IQSEC1: variants seen among roughly 807,000 people sequenced by gnomAD.
The protein encoded by IQSEC1 is IQ motif and SEC7 domain-containing protein 1.
IQSEC1 carries 31 observed loss-of-function variants against 91.0 expected under a neutral mutation model. The observed-to-expected ratio is 0.34, with a 90% CI of 0.26 to 0.46. The LOEUF (loss-of-function observed/expected upper bound fraction) is 0.46, where lower values mean the gene tolerates loss of function less well. IQSEC1 is among the 20% of genes least tolerant of loss of function. The pLI is 1.00. For missense variants in IQSEC1, 1,388 were observed against 1,575.6 expected, an observed-to-expected ratio of 0.88 and a Z score of 2.02; for synonymous variants, 699 against 662.6, an observed-to-expected ratio of 1.05 and a Z score of -0.84.
chr3:13,210,391 G>A (rs1694422625), intron 1 of IQSEC1, among the ~76,000 whole-genome samples: 1 of 152,112 alleles, frequency 6.6e-6, no homozygotes, highest in South Asian at 2.1e-4. Flanking sequence ...GCAGCTGGCA[G>A]GGGTTGCACC....
chr3:13,056,619 G>T (rs1704891460), intron 1 of IQSEC1, among the ~76,000 whole-genome samples: 1 of 151,858 alleles, frequency 6.6e-6, no homozygotes, highest in Non-Finnish European at 1.5e-5. Context: ...TGTGGGCTCT[G>T]TCCCCTGCTC....
At chr3:13,161,369 A>T (rs754920855) in intron 2 of IQSEC1, among the ~76,000 whole-genome samples, 1 of 152,190 alleles carries the variant, frequency 6.6e-6, no homozygotes, top group Non-Finnish European at 1.5e-5. Context: ...TGGAGAGGGT[A>T]GAAGCGCTCA....
Position 12,935,988 on chromosome 3 carries a change from G to T in IQSEC1, c.1028C>A (p.Thr343Lys), listed in dbSNP as rs765723607. ...AHKEDKADTD[T>K]SCRSTPSLER... ...CAGCGACGGCGTGCTCCGGCAGCTC[G>T]TGTCCGTGTCAGCCTTGTCCTCTTT... The change falls in exon 3 of 14, where the codon ACG becomes AAG. Residue 343 changes from threonine to lysine, a missense_variant. Physicochemically the swap from Thr to Lys is moderately conservative, Grantham distance 78. Transcript: ENST00000613206. This position sits in a 1 kb window ranked among gnomAD's most constrained non-coding sequence, Gnocchi z 8.0. The T allele has an allele frequency of 2.5e-6, 4 of 1,599,640 alleles. No homozygotes were observed. Among genetic ancestry groups the T allele is most frequent in the African/African-American group, 1.3e-5 (1 of 74,928 alleles).
In IQSEC1 at chr3:12,924,720, A is replaced by C; in HGVS notation, c.1591T>G (p.Tyr531Asp). Residue 531 changes from tyrosine to aspartate, a missense_variant, in exon 4 of 14, where the codon TAC becomes GAC. Tyr to Asp is a radical substitution (Grantham distance 160). Transcript: ENST00000613206. This position sits in a 1 kb window ranked among gnomAD's most constrained non-coding sequence, Gnocchi z 6.3. ...GGCACAAAGCCACGCTCGATGAGGT[A>C]CTGGACTCCCTTCTCAGGCTTCCTG... ...FNKKPEKGVQYLIERGFVPDT... is the reference protein window; with the variant it reads ...FNKKPEKGVQDLIERGFVPDT... The C allele has an allele frequency of 6.3e-7, 1 of 1,593,116 alleles. No individual in the cohort carries two copies. Among genetic ancestry groups the C allele is most frequent in the Non-Finnish European group, 8.6e-7 (1 of 1,167,042 alleles).
chr3:13,275,081 A>G (rs765925269), intron 1 of IQSEC1, among the ~76,000 whole-genome samples: 2 of 152,208 alleles, frequency 1.3e-5, no homozygotes, highest in Non-Finnish European at 2.9e-5. Flanking sequence ...CAAACCACTT[A>G]ACTTCTTTGA....
chr3:13,071,221 C>A (rs1308198188), intron 1 of IQSEC1, among the ~76,000 whole-genome samples: 2 of 148,760 alleles, frequency 1.3e-5, no homozygotes, highest in African/African-American at 5.0e-5. Flanking sequence ...TGGGCTACAA[C>A]CCCCACCCCA....
chr3:13,015,355 C>A (rs982598674), intron 1 of IQSEC1, among the ~76,000 whole-genome samples: 1 of 152,168 alleles, frequency 6.6e-6, no homozygotes, highest in East Asian at 1.9e-4. Flanking sequence ...CTTCCCCTTG[C>A]GGCTGTGGGG....
chr3:13,006,331 T>C lies in IQSEC1; in HGVS notation c.24-64466A>G, dbSNP rs1199234733. Among the ~76,000 whole-genome samples, 5 of 152,330 alleles carry C rather than the reference T, an allele frequency of 3.3e-5. No individual in the cohort carries two copies. In the East Asian group the frequency reaches 5.8e-4, roughly 18 times the overall value. The stretch of plus-strand genomic sequence containing the variant: ...CTCAGATGCCATGTGGAAGGTGTGA[T>C]TGGGGCACGTGGAGGGAACTGAAGG... On this transcript the variant is annotated intron_variant, in intron 1 of 13. Transcript: ENST00000613206.
At chr3:13,281,076 C>T (rs983852828) in intron 1 of IQSEC1, among the ~76,000 whole-genome samples, 8 of 152,248 alleles carry the variant, frequency 5.3e-5, no homozygotes, top group Non-Finnish European at 1.0e-4. Flanking sequence ...AGCCATTCCC[C>T]AGGGTGGTGT....
At chr3:13,179,355 CTA>C (rs1224583889) in intron 1 of IQSEC1, among the ~76,000 whole-genome samples, 1 of 152,162 alleles carries the variant, frequency 6.6e-6, no homozygotes, top group Non-Finnish European at 1.5e-5. Context: ...GAGACATTAA[CTA>C]TAGAAAAACA....
chr3:13,030,348 C>T (rs1703798484), intron 1 of IQSEC1, among the ~76,000 whole-genome samples: 2 of 152,242 alleles, frequency 1.3e-5, no homozygotes, highest in Admixed American at 1.3e-4. Flanking sequence ...GATCCTCCTG[C>T]CTTGGCCTCC....
Position 12,967,739 on chromosome 3 carries a change from C to A in IQSEC1, c.24-25874G>T. ...GAATGTGGCCCTGAAGTGGGCGGGGCAGGGCGGGGGCGGGGCCGGAGGGCG... is the reference window on the plus strand; with the variant it reads ...GAATGTGGCCCTGAAGTGGGCGGGGAAGGGCGGGGGCGGGGCCGGAGGGCG... On this transcript the variant is annotated intron_variant, in intron 1 of 13. Transcript: ENST00000613206. The surrounding 1 kb of genome is among the most constrained non-coding windows in gnomAD (Gnocchi z 5.9). 2.8e-6 allele frequency: 3 copies of A among 1,061,926 alleles called. No homozygotes were observed. Among genetic ancestry groups the A allele is most frequent in the Non-Finnish European group, 3.4e-6 (3 of 878,954 alleles). The allele number at this position is 1,061,926 out of a possible 1,614,324, so 65.8% of individuals were successfully genotyped here. A position where few individuals can be genotyped will look rare whatever the true frequency, so the allele number is the denominator to read the frequency against.
intron 1 of IQSEC1, among the ~76,000 whole-genome samples, chr3:13,195,302 C>T (rs998050063): frequency 2.6e-5 from 4 of 152,140 alleles, no homozygotes; most frequent in African/African-American, 9.7e-5. Flanking sequence ...TGCATGCCTA[C>T]CGTGATGACT....
intron 1 of IQSEC1, among the ~76,000 whole-genome samples, chr3:13,014,463 C>A (rs1484272958): frequency 6.6e-6 from 1 of 152,246 alleles, no homozygotes. Context: ...GGGCACTGAG[C>A]AGCCTTCTGT....
chr3:13,007,690 T>C (rs944365083), intron 1 of IQSEC1, among the ~76,000 whole-genome samples: 3 of 152,206 alleles, frequency 2.0e-5, no homozygotes, highest in Non-Finnish European at 4.4e-5. Context: ...AACATCCCGT[T>C]TTCTTTGCTG....
At chr3:13,257,490 C>T (rs954939894) in intron 1 of IQSEC1, among the ~76,000 whole-genome samples, 1 of 152,160 alleles carries the variant, frequency 6.6e-6, no homozygotes, top group East Asian at 1.9e-4. Flanking sequence ...ACCAGACTAA[C>T]CCTGGCTGGT....
At position 13,020,478 on chromosome 3, in the gene IQSEC1, T is replaced by C. The variant is rs113066507; in HGVS notation, c.23+52514A>G. Among the ~76,000 whole-genome samples, 899 of 152,332 alleles carry C rather than the reference T, an allele frequency of 5.9e-3. 3 individuals carry two copies. The highest frequency in any genetic ancestry group is 8.0e-3 in the Non-Finnish European group (547 of 68,028). On this transcript the variant is annotated intron_variant, in intron 1 of 13. Coordinates refer to ENST00000613206, the MANE Select transcript of IQSEC1 (RefSeq NM_001134382.3). ...GCAGCAGAGACAACTATGGCCACTG[T>C]AATTATGGTTTCTTATTACAGTGAG...
At chr3:13,189,761 C>G (rs973027360) in intron 1 of IQSEC1, among the ~76,000 whole-genome samples, 6 of 152,206 alleles carry the variant, frequency 3.9e-5, no homozygotes, top group African/African-American at 1.2e-4. Context: ...CAAGGCTCTT[C>G]CCCCAGGTCC....
At chr3:13,235,419 G>A (rs149793009) in intron 1 of IQSEC1, among the ~76,000 whole-genome samples, 29 of 152,304 alleles carry the variant, frequency 1.9e-4, no homozygotes, top group African/African-American at 6.3e-4. Flanking sequence ...TCAAAGGTGG[G>A]GAGAGCCCAG....
Sources: allele counts gnomAD v4.1 joint callset (sites outside exome capture counted in the v4.1 genomes callset), GRCh38; gene constraint gnomAD v4.1.1; non-coding constraint Gnocchi (gnomAD v3.1); transcripts MANE v1.5; gene names NCBI Gene and HGNC (gene_info 2026-07-23, HGNC 2026-07-21).